PIK3CB: variants seen among roughly 807,000 people sequenced by gnomAD.
The protein encoded by PIK3CB is phosphatidylinositol 4,5-bisphosphate 3-kinase catalytic subunit beta isoform.
A neutral mutation model predicts 136.8 loss-of-function variants in PIK3CB; 39 were observed. The observed-to-expected ratio is 0.29, with a 90% confidence interval of 0.22 to 0.37. PIK3CB has a LOEUF of 0.37. Among genes scored for constraint, PIK3CB ranks in the 10% least tolerant of loss-of-function variants. The probability of loss-of-function intolerance (pLI) is 1.00; values close to 1 mark genes in which losing one functional copy is unlikely to be tolerated. For synonymous variants in PIK3CB, 428 were observed against 436.6 expected, an observed-to-expected ratio of 0.98 and a Z score of 0.25; for missense variants, 868 against 1,275.4, an observed-to-expected ratio of 0.68 and a Z score of 4.87.
intron 7 of PIK3CB, among the ~76,000 whole-genome samples, 164 bp from the exon 8 acceptor site, chr3:138,733,602 G>A (rs1324125874): frequency 6.6e-6 from 1 of 152,118 alleles, no homozygotes; most frequent in East Asian, 1.9e-4. Flanking sequence ...GCATTGACCG[G>A]GCGCGGTGGC....
rs574497242 is a variant in PIK3CB, at chr3:138,682,073, A to G, written c.2426-28T>C. 7.4e-5 allele frequency: 109 copies of G among 1,474,650 alleles called. 1 individual carries two copies. In the South Asian group the frequency reaches 1.2e-3, roughly 17 times the overall value. The allele number at this position is 1,474,650 out of a possible 1,614,324, so 91.3% of individuals were successfully genotyped here. The stretch of plus-strand genomic sequence containing the variant: ...AAGGGAAAACAAACTGCTTCATTAC[A>G]AGTGCTTTTCCTTTTATGCCCTGTA... On this transcript the variant is annotated intron_variant, in intron 18 of 23. Transcript: ENST00000674063.
chr3:138,681,136 TC>T lies in PIK3CB; in HGVS notation c.2504+830del, dbSNP rs563623779. Among the ~76,000 whole-genome samples the T allele has an allele frequency of 4.0e-5, 6 of 151,142 alleles. No homozygotes were observed. The South Asian group carries it at 1.3e-3, about 32-fold the overall frequency. On this transcript the variant is annotated intron_variant, in intron 19 of 23. Transcript: ENST00000674063. ...ATCTCTGTTCCCTGCAACCTCCACT[TC>T]CCGGGTTTAAGCGATTCTCATGCCT...
chr3:138,670,183 T>G (rs1246794454), intron 19 of PIK3CB, among the ~76,000 whole-genome samples: 1 of 152,216 alleles, frequency 6.6e-6, no homozygotes, highest in African/African-American at 2.4e-5. Context: ...GCTTTACATT[T>G]AGATAAATAA....
intron 2 of PIK3CB, among the ~76,000 whole-genome samples, chr3:138,784,090 T>A (rs1164759202): frequency 6.6e-6 from 1 of 152,152 alleles, no homozygotes; most frequent in East Asian, 1.9e-4. Context: ...GGTATAATAT[T>A]CTACGAAAAT....
At chr3:138,747,293 G>A (rs759597871) in intron 4 of PIK3CB, among the ~76,000 whole-genome samples, 2 of 151,198 alleles carry the variant, frequency 1.3e-5, no homozygotes, top group African/African-American at 2.4e-5. Flanking sequence ...GTCCCACAGT[G>A]TTATTCAAGG....
At chr3:138,762,825 C>T (rs892847921) in intron 2 of PIK3CB, among the ~76,000 whole-genome samples, 15 of 151,420 alleles carry the variant, frequency 9.9e-5, no homozygotes, top group African/African-American at 3.4e-4. Context: ...CCAGGCATGG[C>T]GGCAGGCACC....
At chr3:138,783,002 T>C (rs2108793236) in intron 2 of PIK3CB, among the ~76,000 whole-genome samples, 1 of 152,306 alleles carries the variant, frequency 6.6e-6, no homozygotes, top group East Asian at 1.9e-4. Flanking sequence ...CTTATCACCC[T>C]TCATCCAAAC....
At chr3:138,789,167 G>A (rs868822321) in intron 2 of PIK3CB, among the ~76,000 whole-genome samples, 2 of 152,118 alleles carry the variant, frequency 1.3e-5, no homozygotes, top group Non-Finnish European at 2.9e-5. Flanking sequence ...GATGGCTCAC[G>A]CCTGTAATCC....
intron 2 of PIK3CB, among the ~76,000 whole-genome samples, chr3:138,774,357 G>C (rs2045833981): frequency 6.6e-6 from 1 of 152,190 alleles, no homozygotes; most frequent in African/African-American, 2.4e-5. Context: ...CAGTATGGGA[G>C]CAAAGCAAAT....
At chr3:138,740,287 C>T (rs183400156) in intron 5 of PIK3CB, among the ~76,000 whole-genome samples, 4 of 152,272 alleles carry the variant, frequency 2.6e-5, no homozygotes, top group Non-Finnish European at 4.4e-5. Context: ...GAACCTGAAA[C>T]GGGGCAGTTG....
chr3:138,678,581 T>C (rs1022590195), intron 19 of PIK3CB, among the ~76,000 whole-genome samples: 6 of 152,090 alleles, frequency 3.9e-5, no homozygotes, highest in African/African-American at 1.2e-4. Context: ...TACATTCATA[T>C]TGGAGTAAAT....
chr3:138,749,164 T>C (rs149035138), intron 4 of PIK3CB, among the ~76,000 whole-genome samples: 1 of 152,318 alleles, frequency 6.6e-6, no homozygotes, highest in East Asian at 1.9e-4. Flanking sequence ...ATTCATTCTA[T>C]TCACAGGCAA....
chr3:138,703,882 T>A (rs531659627), intron 12 of PIK3CB, among the ~76,000 whole-genome samples: 2 of 152,280 alleles, frequency 1.3e-5, no homozygotes, highest in South Asian at 4.1e-4. Flanking sequence ...ATCTGGCCAA[T>A]GACATGTAAG....
chr3:138,756,236 A>C (rs1435394821), intron 3 of PIK3CB, among the ~76,000 whole-genome samples: 2 of 152,212 alleles, frequency 1.3e-5, no homozygotes, highest in African/African-American at 2.4e-5. Flanking sequence ...AAGTTTTCTT[A>C]CAACAGCAAA....
intron 17 of PIK3CB, 83 bp from the exon 18 acceptor site, chr3:138,683,870 G>C (rs2043830569): frequency 2.6e-6 from 2 of 767,812 alleles, no homozygotes; most frequent in Non-Finnish European, 4.5e-6. Flanking sequence ...CTAGGCTTGG[G>C]AAAACTCCTC....
intron 8 of PIK3CB, among the ~76,000 whole-genome samples, chr3:138,727,452 C>A (rs1448595874): frequency 2.0e-5 from 3 of 152,196 alleles, no homozygotes; most frequent in Non-Finnish European, 4.4e-5. Context: ...TTAGACAGGG[C>A]CACAGGGCAA....
At chr3:138,692,081 A>C (rs1014847116) in intron 14 of PIK3CB, among the ~76,000 whole-genome samples, 8 of 152,212 alleles carry the variant, frequency 5.3e-5, no homozygotes, top group African/African-American at 1.9e-4. Flanking sequence ...AGCTCAATTA[A>C]TTAAGGTTAG....
chr3:138,784,967 C>T (rs1269181761), intron 2 of PIK3CB, among the ~76,000 whole-genome samples: 2 of 151,886 alleles, frequency 1.3e-5, no homozygotes, highest in African/African-American at 2.4e-5. Flanking sequence ...CCGGCCACCC[C>T]GTCTGAGAAG....
At chr3:138,730,522 C>A (rs1264660373) in intron 8 of PIK3CB, among the ~76,000 whole-genome samples, 1 of 152,100 alleles carries the variant, frequency 6.6e-6, no homozygotes, top group Non-Finnish European at 1.5e-5. Context: ...TTTGTTACTA[C>A]GTAGATTCTA....
Sources: gnomAD v4.1 joint callset for allele counts (sites outside exome capture counted in the v4.1 genomes callset) on GRCh38, gnomAD v4.1.1 for gene constraint, MANE v1.5 for transcripts, NCBI Gene and HGNC (gene_info 2026-07-23, HGNC 2026-07-21) for gene names.